PCDH15: variants seen among roughly 807,000 people sequenced by gnomAD.
PCDH15 encodes protocadherin related 15.
A neutral mutation model predicts 178.5 loss-of-function variants in PCDH15; 129 were observed. The ratio of observed to expected loss-of-function variants is 0.72; its 90% confidence interval spans 0.63 to 0.84. The LOEUF is 0.84. Among genes scored for constraint, PCDH15 ranks in the 40% least tolerant of loss-of-function variants. The pLI is 0.00. For synonymous variants in PCDH15, 800 were observed against 732.0 expected, an observed-to-expected ratio of 1.09 and a Z score of -1.50; for missense variants, 2,230 against 2,099.9, an observed-to-expected ratio of 1.06 and a Z score of -1.21.
chr10:55,499,244 T>G (rs968233125), intron 2 of PCDH15, among the ~76,000 whole-genome samples: 6 of 151,880 alleles, frequency 4.0e-5, no homozygotes, highest in South Asian at 4.1e-4. Context: ...TTGCTAAATT[T>G]GTGGTAATTT....
intron 3 of PCDH15, among the ~76,000 whole-genome samples, chr10:54,477,896 A>C (rs1201163741): frequency 1.3e-5 from 2 of 152,052 alleles, no homozygotes; most frequent in African/African-American, 4.8e-5. Context: ...TAAACAAATA[A>C]TTTTTCTTTT....
At chr10:54,046,394 A>G (rs1259599607) in intron 18 of PCDH15, among the ~76,000 whole-genome samples, 2 of 152,192 alleles carry the variant, frequency 1.3e-5, no homozygotes, top group Admixed American at 1.3e-4. Context: ...GCTCTCAAAC[A>G]CTCATCAACA....
intron 3 of PCDH15, among the ~76,000 whole-genome samples, chr10:54,863,428 T>G (rs1406552302): frequency 1.3e-5 from 2 of 151,868 alleles, no homozygotes; most frequent in Non-Finnish European, 2.9e-5. Context: ...TGTAGTCCCA[T>G]CTACTCGGGA....
At position 54,564,000 on chromosome 10, in the gene PCDH15, T is replaced by C. The variant is rs1565608422; in HGVS notation, c.92-36123A>G. 2.0e-5 allele frequency among the ~76,000 whole-genome samples: 3 copies of C among 152,272 alleles called. No homozygotes were observed. The South Asian group carries it at 6.2e-4, about 32-fold the overall frequency. On this transcript the variant is annotated intron_variant, in intron 2 of 37. Transcript: ENST00000644397. ...AACCTTAGTGAGCCTAGCTGACTTG[T>C]TCTCAAGAACACAGAGGAACATGGA... is the stretch of plus-strand genomic sequence containing the variant.
chr10:53,833,887 A>T (rs2077153706), intron 29 of PCDH15, among the ~76,000 whole-genome samples: 1 of 152,084 alleles, frequency 6.6e-6, no homozygotes, highest in South Asian at 2.1e-4. Flanking sequence ...TAATTTTCAC[A>T]TGCCTTCTCA....
intron 2 of PCDH15, among the ~76,000 whole-genome samples, chr10:55,582,926 A>T (rs1842652451): frequency 6.6e-6 from 1 of 152,176 alleles, no homozygotes; most frequent in Admixed American, 6.5e-5. Context: ...TAATATATTC[A>T]CAAAATATTA....
At chr10:54,136,648 G>C (rs958315648) in intron 14 of PCDH15, among the ~76,000 whole-genome samples, 1 of 152,060 alleles carries the variant, frequency 6.6e-6, no homozygotes, top group Admixed American at 6.6e-5. Flanking sequence ...GTTAAAGTGA[G>C]ACAATGCTAC....
At chr10:55,275,547 G>T (rs1033079025) in intron 1 of PCDH15, among the ~76,000 whole-genome samples, 1 of 151,722 alleles carries the variant, frequency 6.6e-6, no homozygotes, top group East Asian at 1.9e-4. Flanking sequence ...TGATCTACAC[G>T]ATCTCTATCA....
chr10:54,839,016 G>A (rs1391678456), intron 3 of PCDH15, among the ~76,000 whole-genome samples: 1 of 152,130 alleles, frequency 6.6e-6, no homozygotes, highest in East Asian at 1.9e-4. Context: ...CTGTCACCCT[G>A]AGAATCCAAC....
intron 17 of PCDH15, among the ~76,000 whole-genome samples, chr10:54,078,455 T>C (rs137929542): frequency 1.6e-4 from 25 of 152,050 alleles, no homozygotes; most frequent in African/African-American, 4.8e-4. Context: ...ATGTAGTATA[T>C]AGATTAAATA....
intron 21 of PCDH15, among the ~76,000 whole-genome samples, chr10:53,962,754 A>G (rs1434546712): frequency 6.6e-6 from 1 of 152,216 alleles, no homozygotes; most frequent in Non-Finnish European, 1.5e-5. Context: ...TTAAAATTTG[A>G]TAAGTTTTTA....
intron 26 of PCDH15, among the ~76,000 whole-genome samples, chr10:53,898,444 TTTC>T (rs1438544933): frequency 6.6e-6 from 1 of 152,222 alleles, no homozygotes; most frequent in Admixed American, 6.5e-5. Context: ...ACCATTGGAT[TTTC>T]TTTTCGCACT....
chr10:54,642,444 G>C (rs972722628), intron 2 of PCDH15, among the ~76,000 whole-genome samples: 1 of 152,106 alleles, frequency 6.6e-6, no homozygotes, highest in Non-Finnish European at 1.5e-5. Flanking sequence ...GGTCATGGAG[G>C]CTTATATATT....
At chr10:54,047,512 T>C (rs574972548) in intron 18 of PCDH15, among the ~76,000 whole-genome samples, 1 of 152,134 alleles carries the variant, frequency 6.6e-6, no homozygotes, top group Non-Finnish European at 1.5e-5. Flanking sequence ...ATTGCCCATG[T>C]AGTGAGCATA....
intron 2 of PCDH15, among the ~76,000 whole-genome samples, chr10:55,150,682 C>A (rs1215130903): frequency 6.6e-6 from 1 of 152,030 alleles, no homozygotes; most frequent in Non-Finnish European, 1.5e-5. Flanking sequence ...CATGATATTT[C>A]TCTTAAATGC....
chr10:53,933,133 T>C (rs2085229384), intron 25 of PCDH15, among the ~76,000 whole-genome samples: 1 of 152,076 alleles, frequency 6.6e-6, no homozygotes, highest in Admixed American at 6.6e-5. Context: ...AAACCTCTTT[T>C]CTTTAGAAAT....
At chr10:53,893,544 C>T (rs900157351) in intron 26 of PCDH15, among the ~76,000 whole-genome samples, 14 of 152,134 alleles carry the variant, frequency 9.2e-5, no homozygotes, top group Admixed American at 4.6e-4. Context: ...TGGAACTAGC[C>T]TAAATGCCCA....
At chr10:54,926,641 G>C (rs1002302648) in intron 2 of PCDH15, among the ~76,000 whole-genome samples, 1 of 151,872 alleles carries the variant, frequency 6.6e-6, no homozygotes, top group African/African-American at 2.4e-5. Context: ...GCCATTAGTG[G>C]TCTGTTCAGG....
intron 14 of PCDH15, among the ~76,000 whole-genome samples, chr10:54,149,164 C>T (rs549379692): frequency 6.6e-6 from 1 of 152,172 alleles, no homozygotes; most frequent in African/African-American, 2.4e-5. Flanking sequence ...CTTCTTGGTA[C>T]TCCTTCATTA....
Sources: gnomAD v4.1 joint callset for allele counts (sites outside exome capture counted in the v4.1 genomes callset) on GRCh38, gnomAD v4.1.1 for gene constraint, MANE v1.5 for transcripts, NCBI Gene and HGNC (gene_info 2026-07-23, HGNC 2026-07-21) for gene names.